Variants in GLB1 observed in about 807,000 individuals in gnomAD.
GLB1 encodes beta-galactosidase.
Under a neutral mutation model 74.0 loss-of-function variants are expected in GLB1, and 56 were observed. The ratio of observed to expected loss-of-function variants is 0.76; its 90% CI spans 0.61 to 0.94. The LOEUF (loss-of-function observed/expected upper bound fraction) is 0.94. GLB1 is among the 40% of genes least tolerant of loss of function. The probability of loss-of-function intolerance (pLI) is 0.00; values close to 1 mark genes in which losing one functional copy is unlikely to be tolerated. For missense variants in GLB1, 787 were observed against 845.5 expected (o/e 0.93, Z 0.86); for synonymous variants, 323 against 323.6 (o/e 1.00, Z 0.02).
At chr3:33,088,756 T>C (rs957742834) in intron 1 of GLB1, among the ~76,000 whole-genome samples, 3 of 152,096 alleles carry the variant, frequency 2.0e-5, no homozygotes, top group African/African-American at 2.4e-5. Context: ...AAAATCCCAA[T>C]AGCATTTCTT....
At chr3:33,057,118 C>T (rs1167655972) in intron 6 of GLB1, among the ~76,000 whole-genome samples, 1 of 152,224 alleles carries the variant, frequency 6.6e-6, no homozygotes, top group Non-Finnish European at 1.5e-5. Context: ...CCCCTCAGTG[C>T]TATTCTCCTG....
chr3:33,003,397 T>C (rs975056182), intron 15 of GLB1, among the ~76,000 whole-genome samples: 1 of 152,188 alleles, frequency 6.6e-6, no homozygotes, highest in African/African-American at 2.4e-5. Context: ...GTCATATTTG[T>C]TATAAAGTTC....
At chr3:32,965,088 C>A in the GLB1 span, among the ~76,000 whole-genome samples, 1 of 152,172 alleles carries the variant, frequency 6.6e-6, no homozygotes, top group Admixed American at 6.5e-5. Context: ...TACCCAGTCT[C>A]AGGTATATCC....
At chr3:33,012,189 A>T (rs1330829970) in intron 15 of GLB1, among the ~76,000 whole-genome samples, 1 of 152,126 alleles carries the variant, frequency 6.6e-6, no homozygotes, top group African/African-American at 2.4e-5. Flanking sequence ...TTCTACATAC[A>T]TTCCTGGCCC....
At chr3:33,006,699 G>A (rs1437876528) in intron 15 of GLB1, among the ~76,000 whole-genome samples, 4 of 152,162 alleles carry the variant, frequency 2.6e-5, no homozygotes, top group East Asian at 1.9e-4. Context: ...AGCCACATCC[G>A]ACTCAAGTAA....
chr3:33,057,130 T>G (rs758206773), intron 6 of GLB1, among the ~76,000 whole-genome samples: 1 of 152,234 alleles, frequency 6.6e-6, no homozygotes, highest in Non-Finnish European at 1.5e-5. Context: ...ATTCTCCTGA[T>G]AGTGAGTGAA....
chr3:32,979,125 T>C, the GLB1 span, among the ~76,000 whole-genome samples: 1 of 151,894 alleles, frequency 6.6e-6, no homozygotes, highest in Non-Finnish European at 1.5e-5. Flanking sequence ...TACAGGCATG[T>C]GCCACCATGC....
chr3:33,016,299 G>A (rs1697233422), intron 14 of GLB1, among the ~76,000 whole-genome samples: 1 of 152,186 alleles, frequency 6.6e-6, no homozygotes, highest in Admixed American at 6.5e-5. Context: ...GAAAGGTTCT[G>A]TTTGCAAAGC....
rs1237892973 is a variant in GLB1, at chr3:33,021,336, T to G, written c.1233+230A>C. 8 of 580,126 alleles carry G rather than the reference T, an allele frequency of 1.4e-5. No individual in the cohort carries two copies. In the East Asian group the frequency reaches 2.3e-4, roughly 17 times the overall value. The allele number at this position is 580,126 out of a possible 1,614,324, so 35.9% of individuals were successfully genotyped here. A position where few individuals can be genotyped will look rare whatever the true frequency, so the allele number is the denominator to read the frequency against. ...AGAATTATGTTGAAGCAGGTTGGGC[T>G]ACCTCCTGTATGAGTGAGAAGAAGT... On this transcript the variant is annotated intron_variant, in intron 12 of 15. Transcript: ENST00000307363.
chr3:33,017,602 C>G (rs537589416), intron 13 of GLB1, among the ~76,000 whole-genome samples: 2 of 152,318 alleles, frequency 1.3e-5, no homozygotes, highest in South Asian at 4.1e-4. Context: ...CTTCCTGTGA[C>G]CATTTCGGTG....
intron 10 of GLB1, among the ~76,000 whole-genome samples, chr3:33,040,254 A>G (rs1015063573): frequency 1.3e-5 from 2 of 152,202 alleles, no homozygotes; most frequent in African/African-American, 2.4e-5. Context: ...TACAAAAAAA[A>G]TCCCTCAATT....
chr3:32,985,730 G>A, the GLB1 span, among the ~76,000 whole-genome samples: 3 of 151,888 alleles, frequency 2.0e-5, no homozygotes, highest in Admixed American at 2.0e-4. Flanking sequence ...TTTTGAGATG[G>A]AGTCTCACTC....
chr3:33,074,389 GAAGAAAGA>G (rs773964882), intron 1 of GLB1, among the ~76,000 whole-genome samples: 26 of 38,918 alleles, frequency 6.7e-4, no homozygotes, highest in South Asian at 1.2e-3. Context: ...AGGAAGGAAG[GAAGAAAGA>G]AAGAAAGAAA....
At chr3:33,031,635 A>G (rs1575428871) in intron 10 of GLB1, among the ~76,000 whole-genome samples, 2 of 66,828 alleles carry the variant, frequency 3.0e-5, no homozygotes, top group Admixed American at 2.2e-4. Flanking sequence ...AAAAAAAAAA[A>G]AAAAAATATA....
intron 7 of GLB1, among the ~76,000 whole-genome samples, chr3:33,052,983 C>T (rs1485562217): frequency 2.0e-5 from 3 of 152,138 alleles, no homozygotes; most frequent in South Asian, 2.1e-4. Context: ...GCAGAGAAGG[C>T]GCAGGATATT....
chr3:33,042,510 G>A (rs373913803), intron 10 of GLB1, among the ~76,000 whole-genome samples: 2 of 151,562 alleles, frequency 1.3e-5, no homozygotes, highest in Non-Finnish European at 3.0e-5. Flanking sequence ...TGGGACTACA[G>A]GCGCCCGCCA....
Position 33,024,271 on chromosome 3 carries a change from CA to C in GLB1, c.1122del (p.Tyr374Ter). 1 of 1,613,110 alleles carries C rather than the reference CA, an allele frequency of 6.2e-7. No individual in the cohort carries two copies. Among genetic ancestry groups the C allele is most frequent in the Non-Finnish European group, 8.5e-7 (1 of 1,179,918 alleles). On this transcript the variant is annotated frameshift_variant, in exon 11 of 16. Coordinates refer to ENST00000307363, the MANE Select transcript of GLB1 (RefSeq NM_000404.4). LOFTEE classifies it high-confidence loss of function. The part of the protein sequence containing the change: ...PIPPSTPKFA[Y>X]GKVTLEKLKT... ...CTTACCTTTTCCAAAGTGACCTTTC[CA>C]TATGCAAACTTTGGTGTAGATGGAG...
rs1387020141 is a variant in GLB1 at position 33,006,366 on chromosome 3, A to C, written c.1734+7690T>G. On this transcript the variant is annotated intron_variant, in intron 15 of 15. Coordinates refer to ENST00000307363, the MANE Select transcript of GLB1 (RefSeq NM_000404.4). Reference sequence around the variant, plus strand: ...GGCTGTGCACTCCTTATGAGAATCTAACTAATGCCTGATGATTTGAGGTGG... The same window carrying C: ...GGCTGTGCACTCCTTATGAGAATCTCACTAATGCCTGATGATTTGAGGTGG... Among the ~76,000 whole-genome samples, 47 of 152,206 alleles carry C rather than the reference A, an allele frequency of 3.1e-4. 1 individual carries two copies.
intron 1 of GLB1, chr3:33,096,378 T>C (rs1575505992): frequency 1.0e-6 from 1 of 976,890 alleles, no homozygotes; most frequent in Non-Finnish European, 1.2e-6. Context: ...AACGATGGCA[T>C]CCCCCGGCAG....
Sources: allele counts gnomAD v4.1 joint callset (sites outside exome capture counted in the v4.1 genomes callset), GRCh38; gene constraint gnomAD v4.1.1; transcripts MANE v1.5; gene names NCBI Gene and HGNC (gene_info 2026-07-23, HGNC 2026-07-21).